The following CALCOCO2 variants were observed in gnomAD, a reference collection of about 807,000 sequenced individuals.
CALCOCO2 encodes calcium-binding and coiled-coil domain-containing protein 2.
A neutral mutation model predicts 62.5 loss-of-function variants in CALCOCO2; 42 were observed. That is an observed-to-expected ratio of 0.67 (90% CI 0.53 to 0.87). The LOEUF is 0.87. Ranked by LOEUF, CALCOCO2 falls within the 40% of genes least tolerant of loss-of-function variation. CALCOCO2 has a pLI of 0.00. For missense variants in CALCOCO2, 456 were observed against 515.0 expected (o/e 0.89, Z 1.11); for synonymous variants, 167 against 173.0 (o/e 0.97, Z 0.27).
chr17:48,857,054 G>A (rs902367428), intron 10 of CALCOCO2, among the ~76,000 whole-genome samples: 5 of 151,426 alleles, frequency 3.3e-5, no homozygotes, highest in Non-Finnish European at 7.4e-5. Flanking sequence ...CTCCTGCCTC[G>A]GCCTCCCAAA....
chr17:48,834,075 C>CCATT (rs2039855348), intron 1 of CALCOCO2, among the ~76,000 whole-genome samples: 2 of 140,378 alleles, frequency 1.4e-5, no homozygotes, highest in South Asian at 4.5e-4. Flanking sequence ...CACATTCATG[C>CCATT]CATTGCACTC....
At chr17:48,860,205 G>T in intron 10 of CALCOCO2, 109 bp from the exon 11 acceptor site, 1 of 743,068 alleles carries the variant, frequency 1.3e-6, no homozygotes, top group Non-Finnish European at 2.3e-6. Flanking sequence ...AGTTTCTCCA[G>T]TGCCACATTG....
chr17:48,860,251 C>T, intron 10 of CALCOCO2, 63 bp from the exon 11 acceptor site: 2 of 1,442,706 alleles, frequency 1.4e-6, no homozygotes, highest in Non-Finnish European at 9.7e-7. Context: ...CATCTCCTAG[C>T]CAGTTCCTGG....
chr17:48,851,735 T>A (rs1282505884), intron 7 of CALCOCO2, 107 bp downstream of exon 7: 9 of 730,446 alleles, frequency 1.2e-5, no homozygotes, highest in African/African-American at 3.5e-5. Flanking sequence ...CCTAATGGCA[T>A]ACTTTTCAAA....
intron 1 of CALCOCO2, among the ~76,000 whole-genome samples, chr17:48,836,197 T>C (rs536786471): frequency 6.6e-6 from 1 of 152,318 alleles, no homozygotes; most frequent in African/African-American, 2.4e-5. Context: ...GAGTGTGAAT[T>C]TGATGGGTTC....
intron 10 of CALCOCO2, among the ~76,000 whole-genome samples, chr17:48,859,254 C>A (rs2460420): frequency 0.98 from 148,956 of 152,034 alleles, 73,066 homozygotes; most frequent in East Asian, 1. Context: ...GGGATAAGAC[C>A]TGAAGAAGGA....
intron 11 of CALCOCO2, 97 bp downstream of exon 11, chr17:48,860,546 A>C: frequency 1.0e-4 from 110 of 1,076,352 alleles, no homozygotes; most frequent in Non-Finnish European, 1.4e-4. Context: ...GACCAGTCTC[A>C]TTGTTAAGAC....
intron 2 of CALCOCO2, among the ~76,000 whole-genome samples, chr17:48,845,405 G>A (rs1235393901): frequency 2.8e-5 from 4 of 141,626 alleles, no homozygotes; most frequent in Non-Finnish European, 6.1e-5. Context: ...GTGTGTGTGT[G>A]TGTGTGTGTG....
At chr17:48,851,674 C>A in intron 7 of CALCOCO2, 46 bp downstream of exon 7, 1 of 1,079,938 alleles carries the variant, frequency 9.3e-7, no homozygotes, top group Non-Finnish European at 1.4e-6. Flanking sequence ...CTTAGCCTTA[C>A]CACTGCTCCA....
At chr17:48,843,322 G>C (rs1042581681) in intron 2 of CALCOCO2, among the ~76,000 whole-genome samples, 24 of 152,126 alleles carry the variant, frequency 1.6e-4, no homozygotes, top group Middle Eastern at 3.4e-3. Context: ...CTTATTTCCA[G>C]AGACAAGAAA....
intron 5 of CALCOCO2, 68 bp from the exon 6 acceptor site, chr17:48,851,021 C>T (rs377251543): frequency 9.7e-6 from 8 of 828,868 alleles, no homozygotes; most frequent in Middle Eastern, 4.9e-4. Context: ...ATATTTGTTG[C>T]CTGCCTAAGA....
At chr17:48,857,714 C>T (rs1456547471) in intron 10 of CALCOCO2, among the ~76,000 whole-genome samples, 1 of 149,448 alleles carries the variant, frequency 6.7e-6, no homozygotes, top group Non-Finnish European at 1.5e-5. Context: ...GTGGCTCACG[C>T]CTGTAATCCT....
chr17:48,865,049 C>G lies in CALCOCO2; in HGVS notation c.*2044C>G, dbSNP rs539798015. On this transcript the variant is annotated 3_prime_UTR_variant, in exon 13 of 13. Transcript: ENST00000258947. ...ACCCACCCCTTTGCCCCTGCTACCC[C>G]GAGGGTTACCATGATTGTCAACAGC... is the stretch of plus-strand genomic sequence containing the variant. 3 of 152,148 alleles carry G rather than the reference C, an allele frequency of 2.0e-5. No homozygotes were observed. Among genetic ancestry groups the G allele is most frequent in the African/African-American group, 7.2e-5 (3 of 41,424 alleles). The allele number at this position is 152,148 out of a possible 1,614,324, so 9.4% of individuals were successfully genotyped here. A position where few individuals can be genotyped will look rare whatever the true frequency, so the allele number is the denominator to read the frequency against.
chr17:48,850,164 T>C (rs918083168), intron 5 of CALCOCO2, among the ~76,000 whole-genome samples: 36 of 152,106 alleles, frequency 2.4e-4, no homozygotes, highest in African/African-American at 8.4e-4. Flanking sequence ...CCAAGCATGG[T>C]GGTAGGCACC....
chr17:48,862,048 CA>C (rs10540362), intron 11 of CALCOCO2, among the ~76,000 whole-genome samples: 112,883 of 133,750 alleles, frequency 0.84, 48,198 homozygotes, highest in Non-Finnish European at 0.94. Flanking sequence ...GACTCTGTCT[CA>C]AAAAAAAAAA....
At chr17:48,846,473 C>T (rs1245866421) in intron 2 of CALCOCO2, 2 of 1,498,954 alleles carry the variant, frequency 1.3e-6, no homozygotes, top group African/African-American at 1.4e-5. Flanking sequence ...CAAATTGGAA[C>T]AAGAACTACT....
intron 10 of CALCOCO2, among the ~76,000 whole-genome samples, chr17:48,857,997 T>G (rs544074926): frequency 1.5e-4 from 3 of 19,552 alleles, no homozygotes; most frequent in South Asian, 8.5e-3. Flanking sequence ...TAGAATAGAA[T>G]AGAATAGAAT....
rs962173531 is a variant in CALCOCO2, at chr17:48,844,798, G to A, written c.180+2911G>A. 5.3e-5 allele frequency among the ~76,000 whole-genome samples: 8 copies of A among 152,108 alleles called. No individual in the cohort carries two copies. The South Asian group carries it at 8.3e-4, about 16-fold the overall frequency. Reference sequence around the variant, plus strand: ...CTCCCAAAGTGCTGGGATTACAGGCGTGAGCTACCGCGCCCGGCCAATCTG... The same window carrying A: ...CTCCCAAAGTGCTGGGATTACAGGCATGAGCTACCGCGCCCGGCCAATCTG... On this transcript the variant is annotated intron_variant, in intron 2 of 12. Coordinates refer to ENST00000258947, the MANE Select transcript of CALCOCO2 (RefSeq NM_005831.5).
At chr17:48,851,520 A>G in intron 6 of CALCOCO2, 39 bp from the exon 7 acceptor site, 1 of 1,174,242 alleles carries the variant, frequency 8.5e-7, no homozygotes, top group African/African-American at 1.5e-5. Context: ...CTGACCTGGA[A>G]TCAGTGAATT....
Sources: allele counts gnomAD v4.1 joint callset (sites outside exome capture counted in the v4.1 genomes callset), GRCh38; gene constraint gnomAD v4.1.1; transcripts MANE v1.5; gene names NCBI Gene and HGNC (gene_info 2026-07-23, HGNC 2026-07-21).